Variants in ZNF536 observed in about 807,000 individuals in gnomAD.
ZNF536 encodes the protein zinc finger protein 536.
ZNF536 carries 13 observed loss-of-function variants against 84.5 expected under a neutral mutation model. The ratio of observed to expected loss-of-function variants is 0.15; its 90% CI spans 0.10 to 0.24. The LOEUF is 0.24. Ranked by LOEUF, ZNF536 falls within the 10% of genes least tolerant of loss-of-function variation. ZNF536 has a pLI of 1.00. For synonymous variants in ZNF536, 811 were observed against 742.5 expected (o/e 1.09, Z -1.50); for missense variants, 1,536 against 1,747.5 (o/e 0.88, Z 2.16).
rs1298150943 is a variant in ZNF536 at position 30,526,564 on chromosome 19, A to G, written c.2171-8283A>G. Among the ~76,000 whole-genome samples the G allele has an allele frequency of 2.1e-5, 3 of 146,178 alleles. No individual in the cohort carries two copies. The Admixed American group carries it at 2.1e-4, about 10-fold the overall frequency. On this transcript the variant is annotated intron_variant, in intron 2 of 4. Transcript: ENST00000355537. ...ACGGTGAAACCCCGTCTCTACTAAAAATACAAAAAATTAGCCGGGCGTAGT... is the reference window on the plus strand; with the variant it reads ...ACGGTGAAACCCCGTCTCTACTAAAGATACAAAAAATTAGCCGGGCGTAGT...
intron 1 of ZNF536, among the ~76,000 whole-genome samples, chr19:30,259,728 G>GA (rs900728275): frequency 3.6e-4 from 54 of 151,992 alleles, no homozygotes; most frequent in African/African-American, 1.3e-3. Context: ...TTTAAAATGC[G>GA]AAAAAACAGA....
At chr19:30,637,995 A>T (rs1351928683) in intron 1 of ZNF536, among the ~76,000 whole-genome samples, 2 of 152,150 alleles carry the variant, frequency 1.3e-5, no homozygotes, top group African/African-American at 4.8e-5. Flanking sequence ...CAACCCAAAC[A>T]TCCTTGTGGC....
intron 2 of ZNF536, among the ~76,000 whole-genome samples, chr19:30,504,955 A>G (rs1340996228): frequency 1.3e-5 from 2 of 149,372 alleles, no homozygotes. Flanking sequence ...CTAGTAATCA[A>G]AGAAAAAATT....
At chr19:30,246,425 C>T (rs960518609) in intron 1 of ZNF536, among the ~76,000 whole-genome samples, 3 of 152,198 alleles carry the variant, frequency 2.0e-5, no homozygotes, top group Non-Finnish European at 4.4e-5. Flanking sequence ...AAATGTTTTC[C>T]TTTTATCCAT....
intron 1 of ZNF536, among the ~76,000 whole-genome samples, chr19:30,402,823 A>ATATATATATATATATAT (rs71171802): frequency 2.7e-3 from 371 of 138,034 alleles, no homozygotes; most frequent in Non-Finnish European, 4.1e-3. Context: ...ATATATATAT[A>ATATATATATATATATAT]ATTTTCAAAA....
chr19:30,600,920 G>A (rs752760494), intron 1 of ZNF536, among the ~76,000 whole-genome samples: 1 of 152,216 alleles, frequency 6.6e-6, no homozygotes, highest in South Asian at 2.1e-4. Flanking sequence ...AAAAGTGAAC[G>A]CTTGTTTTAT....
chr19:30,386,847 C>A (rs1182030953), intron 1 of ZNF536, among the ~76,000 whole-genome samples: 6 of 152,198 alleles, frequency 3.9e-5, no homozygotes, highest in African/African-American at 1.4e-4. Flanking sequence ...ATTAGCCCTG[C>A]GTTTCACAGA....
chr19:30,532,798 C>A (rs1018666090), intron 2 of ZNF536, among the ~76,000 whole-genome samples: 2 of 152,162 alleles, frequency 1.3e-5, no homozygotes, highest in African/African-American at 2.4e-5. Flanking sequence ...CTGGCAGCAG[C>A]TCCTTGTAGA....
chr19:30,484,986 T>C (rs576039287), intron 2 of ZNF536, among the ~76,000 whole-genome samples: 79 of 151,738 alleles, frequency 5.2e-4, no homozygotes, highest in South Asian at 1.0e-3. Flanking sequence ...TACTAAAAAA[T>C]ACAAAAAATT....
chr19:30,569,550 A>G (rs34781674), intron 1 of ZNF536, among the ~76,000 whole-genome samples: 16 of 120,838 alleles, frequency 1.3e-4, no homozygotes, highest in Non-Finnish European at 2.3e-4. Flanking sequence ...TCGAAGCCAG[A>G]TAAACGTTCT....
intron 1 of ZNF536, among the ~76,000 whole-genome samples, chr19:30,617,333 CTTTTTTTTTTTTT>C (rs556835599): frequency 0.011 from 425 of 37,706 alleles, 7 homozygotes; most frequent in African/African-American, 0.027. Context: ...GAATAGCTTA[CTTTTTTTTTTTTT>C]TTTTTTTTTT....
intron 1 of ZNF536, among the ~76,000 whole-genome samples, chr19:30,614,676 T>A (rs1372074797): frequency 5.3e-5 from 8 of 151,944 alleles, no homozygotes; most frequent in Non-Finnish European, 1.0e-4. Context: ...CATTTGCCCA[T>A]TTTTTTCCTA....
intron 1 of ZNF536, among the ~76,000 whole-genome samples, chr19:30,641,801 C>T (rs112334104): frequency 1.1e-4 from 16 of 152,256 alleles, no homozygotes; most frequent in African/African-American, 3.6e-4. Context: ...GAATTAGGGG[C>T]TTCTCTTGGC....
chr19:30,353,469 G>A (rs2047997555), intron 3 of ZNF536, among the ~76,000 whole-genome samples: 1 of 152,070 alleles, frequency 6.6e-6, no homozygotes, highest in Non-Finnish European at 1.5e-5. Flanking sequence ...TGTATTTCGT[G>A]TTAAGAAAAA....
intron 2 of ZNF536, among the ~76,000 whole-genome samples, chr19:30,494,956 A>G (rs2054659861): frequency 1.3e-5 from 2 of 150,942 alleles, no homozygotes; most frequent in Admixed American, 1.3e-4. Context: ...AAAAAAGAAA[A>G]AAAAAAAAAA....
chr19:30,268,117 T>C (rs1187395702), intron 1 of ZNF536, among the ~76,000 whole-genome samples: 1 of 137,248 alleles, frequency 7.3e-6, no homozygotes, highest in Admixed American at 7.9e-5. Flanking sequence ...ATATATTGAC[T>C]TCAGGGCTTC....
intron 1 of ZNF536, among the ~76,000 whole-genome samples, chr19:30,615,653 G>A (rs183661947): frequency 2.6e-5 from 4 of 151,736 alleles, no homozygotes; most frequent in East Asian, 1.9e-4. Context: ...AAAATGCTCC[G>A]TAGAATTTTT....
chr19:30,329,128 C>G (rs1331763156), intron 2 of ZNF536, among the ~76,000 whole-genome samples: 1 of 152,180 alleles, frequency 6.6e-6, no homozygotes, highest in Non-Finnish European at 1.5e-5. Context: ...CCTCAAGAGT[C>G]CCTCTCGGGC....
At chr19:30,251,246 C>T (rs1208673971) in intron 1 of ZNF536, among the ~76,000 whole-genome samples, 1 of 152,116 alleles carries the variant, frequency 6.6e-6, no homozygotes, top group Non-Finnish European at 1.5e-5. Flanking sequence ...CAACGAGAAA[C>T]CATTTCTGAT....
Sources: gnomAD v4.1 joint callset for allele counts (sites outside exome capture counted in the v4.1 genomes callset) on GRCh38, gnomAD v4.1.1 for gene constraint, MANE v1.5 for transcripts, NCBI Gene and HGNC (gene_info 2026-07-23, HGNC 2026-07-21) for gene names.